Variants in ZNF444 observed in about 807,000 individuals in gnomAD.
The protein encoded by ZNF444 is endothelial zinc finger protein 2.
ZNF444 carries 8 observed loss-of-function variants against 14.4 expected under a neutral mutation model. The observed-to-expected ratio is 0.56, with a 90% confidence interval of 0.33 to 1.00. The LOEUF (loss-of-function observed/expected upper bound fraction) is 1.00. Among genes scored for constraint, ZNF444 ranks in the 50% least tolerant of loss-of-function variants. The probability of loss-of-function intolerance (pLI) is 0.03; values close to 1 mark genes in which losing one functional copy is unlikely to be tolerated. For missense variants in ZNF444, 510 were observed against 504.8 expected, an observed-to-expected ratio of 1.01 and a Z score of -0.10; for synonymous variants, 258 against 235.9, an observed-to-expected ratio of 1.09 and a Z score of -0.86.
chr19:56,144,484 G>C lies in ZNF444; in HGVS notation c.-196-1763G>C, dbSNP rs539910721. Among the ~76,000 whole-genome samples the C allele has an allele frequency of 2.6e-5, 4 of 152,098 alleles. No homozygotes were observed. Among genetic ancestry groups the C allele is most frequent in the Non-Finnish European group, 5.9e-5 (4 of 68,036 alleles). ...GGGCACTGAGCAAGGAAGTGACAGG[G>C]ATTTACAGTGAAAAAGTTTTTGTGA... is the stretch of plus-strand genomic sequence containing the variant. On this transcript the variant is annotated intron_variant, in intron 1 of 4. Coordinates refer to ENST00000337080, the MANE Select transcript of ZNF444 (RefSeq NM_018337.4). The surrounding 1 kb of genome is among the most constrained non-coding windows in gnomAD (Gnocchi z 4.0).
At position 56,160,409 on chromosome 19, in the gene ZNF444, C is replaced by G; in HGVS notation, c.*208C>G. 2.0e-6 allele frequency: 1 copy of G among 491,678 alleles called. No individual in the cohort carries two copies. The highest frequency in any genetic ancestry group is 3.5e-6 in the Non-Finnish European group (1 of 283,114). The allele number at this position is 491,678 out of a possible 1,614,324, so 30.5% of individuals were successfully genotyped here. A position where few individuals can be genotyped will look rare whatever the true frequency, so the allele number is the denominator to read the frequency against. On this transcript the variant is annotated 3_prime_UTR_variant, in exon 5 of 5. Transcript: ENST00000337080. ...TTTCACTTTCCTTCTCAGGTCTCAC[C>G]TCAGCCCCCCCCTTCTCCCTGATTT...
chr19:56,158,607 G>T lies in ZNF444; in HGVS notation c.406+5G>T, dbSNP rs922698036. 6.2e-7 allele frequency: 1 copy of T among 1,601,760 alleles called. No homozygotes were observed. Among genetic ancestry groups the T allele is most frequent in the Non-Finnish European group, 8.5e-7 (1 of 1,174,278 alleles). On this transcript the variant is annotated splice_donor_5th_base_variant and intron_variant, in intron 4 of 4. Coordinates refer to ENST00000337080, the MANE Select transcript of ZNF444 (RefSeq NM_018337.4). ...ACAGTGGGATGATTCCCTTAGGTGA[G>T]CTGCTGGCCTCTCTGGTTCTCCCCG... is the stretch of plus-strand genomic sequence containing the variant.
rs2032024826 is a variant in ZNF444 at position 56,158,202 on chromosome 19, C to G, written c.298-292C>G. 1.4e-5 allele frequency: 4 copies of G among 279,136 alleles called. No individual in the cohort carries two copies. The South Asian group carries it at 3.0e-4, about 21-fold the overall frequency. 17.3% of individuals were successfully genotyped at this position (279,136 alleles called of 1,614,324 possible). ...CTGTGGGTCCGGAGTCTGTGAGTGG[C>G]TTGGGCACGCGGACCTGGCCCAGGG... On this transcript the variant is annotated intron_variant, in intron 3 of 4. Transcript: ENST00000337080.
intron 3 of ZNF444, among the ~76,000 whole-genome samples, chr19:56,149,004 G>C (rs1439516213): frequency 6.6e-6 from 1 of 151,628 alleles, no homozygotes; most frequent in East Asian, 1.9e-4. Flanking sequence ...TCAGAGTGCT[G>C]CACTCCGACC....
chr19:56,139,138 A>AT (rs1345859674), upstream of ZNF444, among the ~76,000 whole-genome samples: 1 of 152,046 alleles, frequency 6.6e-6, no homozygotes, highest in African/African-American at 2.4e-5. Flanking sequence ...CTTAAAAATG[A>AT]TTAAGATGGT....
intron 3 of ZNF444, chr19:56,154,756 A>G: frequency 6.6e-6 from 1 of 152,258 alleles, no homozygotes. Flanking sequence ...AGGATGCTTC[A>G]TCCTTAGGGG....
chr19:56,148,709 G>T (rs2031370336), intron 3 of ZNF444, among the ~76,000 whole-genome samples: 1 of 152,156 alleles, frequency 6.6e-6, no homozygotes, highest in South Asian at 2.1e-4. Flanking sequence ...CCAAAAGTGG[G>T]TTGTAACAAA....
upstream of ZNF444, among the ~76,000 whole-genome samples, chr19:56,137,384 C>T (rs1443210083): frequency 2.0e-5 from 3 of 151,782 alleles, no homozygotes; most frequent in Non-Finnish European, 4.4e-5. Flanking sequence ...GTGGAAGAAT[C>T]GCTTAAGCCT....
chr19:56,159,345 T>TC (rs1318470900), intron 4 of ZNF444, among the ~76,000 whole-genome samples: 3 of 150,826 alleles, frequency 2.0e-5, no homozygotes, highest in Non-Finnish European at 3.0e-5. Flanking sequence ...GGTCCATTCA[T>TC]CACCCATCAT....
intron 1 of ZNF444, chr19:56,141,639 G>A (rs2030817586): frequency 2.4e-5 from 1 of 41,752 alleles, no homozygotes; most frequent in Non-Finnish European, 9.8e-5. Flanking sequence ...ACGGGGGAGG[G>A]GCGCCTGGGG....
At chr19:56,150,439 C>T (rs982276128) in intron 3 of ZNF444, 2 of 353,924 alleles carry the variant, frequency 5.7e-6, no homozygotes, top group African/African-American at 4.3e-5. Context: ...CACTGTGGCT[C>T]TGGGATGTCT....
chr19:56,156,098 A>G (rs1442714535), intron 3 of ZNF444: 1 of 152,250 alleles, frequency 6.6e-6, no homozygotes, highest in Non-Finnish European at 1.5e-5. Flanking sequence ...TTTATTGTAA[A>G]GGAGATTTTA....
chr19:56,158,319 G>T (rs2123559651), intron 3 of ZNF444, 175 bp from the exon 4 acceptor site: 3 of 558,680 alleles, frequency 5.4e-6, no homozygotes, highest in East Asian at 6.8e-5. Context: ...TTGGCAGGAG[G>T]CCTTGGTTCC....
chr19:56,143,984 G>A (rs561028874), intron 1 of ZNF444, among the ~76,000 whole-genome samples: 1 of 152,070 alleles, frequency 6.6e-6, no homozygotes, highest in Admixed American at 6.5e-5. Flanking sequence ...GAGGCCCTGT[G>A]GTGGGCACTG....
At position 56,159,838 on chromosome 19, in the gene ZNF444, C is replaced by T. The variant is rs1375442313; in HGVS notation, c.621C>T (p.His207=). Residue 207 remains histidine, a synonymous_variant, in exon 5 of 5, where the codon CAC becomes CAT. Transcript: ENST00000337080. ...AGAGCCACTCGGGCGAGAAGCCGCA[C>T]GCCTGCCCTGAGTGCGGGAAGGCCT... The part of the protein sequence containing the change: ...HRQSHSGEKP[H]ACPECGKAFR... 3 of 1,564,484 alleles carry T rather than the reference C, an allele frequency of 1.9e-6. No homozygotes were observed. The highest frequency in any genetic ancestry group is 2.3e-5 in the East Asian group (1 of 42,644).
In ZNF444 at chr19:56,155,069, G is replaced by GGGTGTAAGGAGGGCTCCATCA. The variant is rs1209773198; in HGVS notation, c.298-3422_298-3402dup. 20 of 152,364 alleles carry GGGTGTAAGGAGGGCTCCATCA rather than the reference G, an allele frequency of 1.3e-4. 1 individual carries two copies. Among genetic ancestry groups the GGGTGTAAGGAGGGCTCCATCA allele is most frequent in the Non-Finnish European group, 2.4e-4 (16 of 68,046 alleles). 9.4% of individuals were successfully genotyped at this position (152,364 alleles called of 1,614,324 possible). On this transcript the variant is annotated intron_variant, in intron 3 of 4. Coordinates refer to ENST00000337080, the MANE Select transcript of ZNF444 (RefSeq NM_018337.4). The stretch of plus-strand genomic sequence containing the variant: ...CTCGATTCCTGAGCCCTCCAGGGAT[G>GGGTGTAAGGAGGGCTCCATCA]GGTGTAAGGAGGGCTCCATCAGGCA...
At chr19:56,149,519 G>A (rs1477447653) in intron 3 of ZNF444, among the ~76,000 whole-genome samples, 2 of 152,146 alleles carry the variant, frequency 1.3e-5, no homozygotes, top group African/African-American at 4.8e-5. Flanking sequence ...TGGGATACAT[G>A]TGCTGAACGT....
intron 2 of ZNF444, among the ~76,000 whole-genome samples, chr19:56,146,658 G>A (rs1393230403): frequency 1.3e-5 from 2 of 152,152 alleles, no homozygotes; most frequent in Non-Finnish European, 2.9e-5. Flanking sequence ...GCGTGGTGGC[G>A]GATGCCTGTA....
chr19:56,159,929 C>T lies in ZNF444; in HGVS notation c.712C>T (p.Pro238Ser), dbSNP rs938720779. ...CCCCGGCAGCCCCGGCAGCCCCGGGCCCGCGCTGCGCCCTCTGCCCGCCCG... is the reference window on the plus strand; with the variant it reads ...CCCCGGCAGCCCCGGCAGCCCCGGGTCCGCGCTGCGCCCTCTGCCCGCCCG... ...THPGSPGSPG[P>S]ALRPLPAREK... is the part of the protein sequence containing the mutation. The change falls in exon 5 of 5, where the codon CCC becomes TCC. Residue 238 changes from proline to serine, a missense_variant. Transcript: ENST00000337080. The T allele has an allele frequency of 1.3e-6, 2 of 1,497,476 alleles. No homozygotes were observed. Among genetic ancestry groups the T allele is most frequent in the African/African-American group, 3.0e-5 (2 of 67,618 alleles). The allele number at this position is 1,497,476 out of a possible 1,614,324, so 92.8% of individuals were successfully genotyped here.
Sources: gnomAD v4.1 joint callset for allele counts (sites outside exome capture counted in the v4.1 genomes callset) on GRCh38, gnomAD v4.1.1 for gene constraint, Gnocchi (gnomAD v3.1) non-coding constraint, MANE v1.5 for transcripts, NCBI Gene and HGNC (gene_info 2026-07-23, HGNC 2026-07-21) for gene names.